IPCEF1: variants seen among roughly 807,000 people sequenced by gnomAD.
IPCEF1 encodes interaction protein for cytohesin exchange factors 1.
IPCEF1 carries 31 observed loss-of-function variants against 50.9 expected under a neutral mutation model. The observed-to-expected ratio is 0.61, with a 90% confidence interval of 0.46 to 0.82. The LOEUF (loss-of-function observed/expected upper bound fraction) is 0.82. Ranked by LOEUF, IPCEF1 falls within the 40% of genes least tolerant of loss-of-function variation. The pLI is 0.00. For synonymous variants in IPCEF1, 181 were observed against 192.0 expected (o/e 0.94, Z 0.47); for missense variants, 458 against 514.0 (o/e 0.89, Z 1.05).
chr6:154,167,784 T>C (rs1257910386), intron 11 of IPCEF1, 136 bp downstream of exon 11: 1 of 618,554 alleles, frequency 1.6e-6, no homozygotes, highest in African/African-American at 1.8e-5. Flanking sequence ...TCTTGCCCTA[T>C]AAAGGTTATA....
At chr6:154,331,405 A>AAGAAAGAAAGAAAGAAAGAAGGAAAGAG (rs60403800) in intron 1 of IPCEF1, among the ~76,000 whole-genome samples, 1 of 92,950 alleles carries the variant, frequency 1.1e-5, no homozygotes, top group South Asian at 3.5e-4. Context: ...GAAAGAAAGA[A>AAGAAAGAAAGAAAGAAAGAAGGAAAGAG]AGAGAGAGAA....
chr6:154,245,209 A>T (rs1780929984), intron 5 of IPCEF1, among the ~76,000 whole-genome samples: 1 of 152,174 alleles, frequency 6.6e-6, no homozygotes, highest in African/African-American at 2.4e-5. Flanking sequence ...TGCCAGTGGA[A>T]AACTGCACAC....
chr6:154,274,814 C>T lies in IPCEF1; in HGVS notation c.-17-8850G>A, dbSNP rs545168929. Among the ~76,000 whole-genome samples the T allele has an allele frequency of 4.6e-5, 7 of 152,302 alleles. No homozygotes were observed. The South Asian group carries it at 1.0e-3, about 23-fold the overall frequency. ...GCCCACATGCACCCTGTGTTGGTTG[C>T]GCCCAATCAAGGTTCCCTTCCCCAG... On this transcript the variant is annotated intron_variant, in intron 2 of 11. Transcript: ENST00000367220.
At chr6:154,260,264 G>A (rs1781562968) in intron 3 of IPCEF1, among the ~76,000 whole-genome samples, 1 of 152,154 alleles carries the variant, frequency 6.6e-6, no homozygotes, top group African/African-American at 2.4e-5. Flanking sequence ...CCGTTTCCTT[G>A]TCAGCAAGAA....
intron 10 of IPCEF1, among the ~76,000 whole-genome samples, chr6:154,182,960 C>CA (rs1055978687): frequency 6.6e-6 from 1 of 151,676 alleles, no homozygotes; most frequent in Non-Finnish European, 1.5e-5. Context: ...GAAGGCTGAA[C>CA]AAATAAATGC....
chr6:154,281,184 C>CAAAAAAAAAAA (rs35597942), intron 2 of IPCEF1, among the ~76,000 whole-genome samples: 12 of 59,064 alleles, frequency 2.0e-4, no homozygotes, highest in East Asian at 5.8e-4. Context: ...TACTAAAATA[C>CAAAAAAAAAAA]AAAAAAAAAA....
intron 5 of IPCEF1, among the ~76,000 whole-genome samples, chr6:154,235,698 A>ACAC (rs1035314486): frequency 6.6e-6 from 1 of 152,152 alleles, no homozygotes; most frequent in African/African-American, 2.4e-5. Context: ...CTATTAAAAT[A>ACAC]CACCACCACC....
intron 1 of IPCEF1, among the ~76,000 whole-genome samples, chr6:154,339,560 A>G (rs1783860256): frequency 6.6e-6 from 1 of 150,602 alleles, no homozygotes; most frequent in African/African-American, 2.4e-5. Context: ...GGCATGAGCC[A>G]TTATGCCTGG....
At chr6:154,281,493 G>C (rs530893648) in intron 2 of IPCEF1, among the ~76,000 whole-genome samples, 1 of 152,218 alleles carries the variant, frequency 6.6e-6, no homozygotes, top group South Asian at 2.1e-4. Flanking sequence ...CTCTAGCCTG[G>C]ATAACAATGT....
intron 1 of IPCEF1, among the ~76,000 whole-genome samples, chr6:154,309,858 G>A (rs532649455): frequency 1.5e-4 from 23 of 151,354 alleles, no homozygotes; most frequent in Non-Finnish European, 2.8e-4. Flanking sequence ...CCGCCTCCCC[G>A]GTTCAAGCAA....
chr6:154,252,337 G>C (rs1781358173), intron 3 of IPCEF1, among the ~76,000 whole-genome samples: 1 of 152,164 alleles, frequency 6.6e-6, no homozygotes. Context: ...ACAAGAGAAA[G>C]GTAGGTCCAA....
chr6:154,326,221 C>CAAA (rs75214985), intron 1 of IPCEF1, among the ~76,000 whole-genome samples: 3,560 of 99,076 alleles, frequency 0.036, 174 homozygotes, highest in African/African-American at 0.11. Flanking sequence ...GACCTTGTCT[C>CAAA]AAAAAAAAAA....
intron 7 of IPCEF1, among the ~76,000 whole-genome samples, chr6:154,214,539 A>G (rs1274338609): frequency 6.6e-6 from 1 of 152,234 alleles, no homozygotes; most frequent in Non-Finnish European, 1.5e-5. Context: ...AGGTATTCCA[A>G]ATATATGAAC....
intron 4 of IPCEF1, 123 bp downstream of exon 4, chr6:154,247,326 C>G: frequency 1.4e-6 from 1 of 712,150 alleles, no homozygotes; most frequent in Non-Finnish European, 2.4e-6. Context: ...ATTAATCTGC[C>G]GTCCACCTCC....
chr6:154,246,635 C>G lies in IPCEF1; in HGVS notation c.202G>C (p.Val68Leu). The change falls in exon 5 of 12, where the codon GTG (valine) becomes CTG (leucine). Residue 68 changes from valine (V) to leucine (L), a missense_variant. By Grantham distance (32) the Val-to-Leu change is conservative. Transcript: ENST00000367220. ...TACAGTGACGACCCCTTCAGTATCA[C>G]CCAGAACTTTTTCCATTTGTTGCTT... ...FLSNKWKKFW[V>L]ILKGSSLYWY... 1 of 1,614,054 alleles carries G rather than the reference C, an allele frequency of 6.2e-7. No individual in the cohort carries two copies. The highest frequency in any genetic ancestry group is 8.5e-7 in the Non-Finnish European group (1 of 1,179,940).
intron 9 of IPCEF1, among the ~76,000 whole-genome samples, chr6:154,204,389 C>A (rs948592712): frequency 4.6e-5 from 7 of 152,050 alleles, no homozygotes; most frequent in Admixed American, 2.0e-4. Context: ...AAAACAAAAC[C>A]AAAATGACAA....
At chr6:154,240,839 T>C (rs1442765514) in intron 5 of IPCEF1, among the ~76,000 whole-genome samples, 1 of 152,204 alleles carries the variant, frequency 6.6e-6, no homozygotes, top group Non-Finnish European at 1.5e-5. Flanking sequence ...CAATCACAAT[T>C]GTACAGACAT....
chr6:154,264,649 C>T (rs1312066037), intron 3 of IPCEF1, among the ~76,000 whole-genome samples: 1 of 151,992 alleles, frequency 6.6e-6, no homozygotes, highest in East Asian at 1.9e-4. Context: ...GCTGGGATTA[C>T]AGGCGTGAAC....
chr6:154,314,884 CTTTT>C (rs11367569), intron 1 of IPCEF1, among the ~76,000 whole-genome samples: 3 of 138,044 alleles, frequency 2.2e-5, no homozygotes, highest in Non-Finnish European at 3.1e-5. Flanking sequence ...AGTGTGATTA[CTTTT>C]TTTTTTTTTT....
Sources: allele counts gnomAD v4.1 joint callset (sites outside exome capture counted in the v4.1 genomes callset), GRCh38; gene constraint gnomAD v4.1.1; transcripts MANE v1.5; gene names NCBI Gene and HGNC (gene_info 2026-07-23, HGNC 2026-07-21).